Variants in PLEKHD1 observed in about 807,000 individuals in gnomAD.
The protein encoded by PLEKHD1 is pleckstrin homology and coiled-coil domain containing D1, also known as pleckstrin homology domain-containing family D member 1.
A neutral mutation model predicts 69.2 loss-of-function variants in PLEKHD1; 51 were observed. The ratio of observed to expected loss-of-function variants is 0.74; its 90% CI spans 0.59 to 0.93. The LOEUF (loss-of-function observed/expected upper bound fraction) is 0.93. Among genes scored for constraint, PLEKHD1 ranks in the 40% least tolerant of loss-of-function variants. The pLI is 0.00. For synonymous variants in PLEKHD1, 236 were observed against 244.7 expected (o/e 0.96, Z 0.33); for missense variants, 584 against 641.0 (o/e 0.91, Z 0.96).
chr14:69,496,703 T>A (rs990688726), intron 1 of PLEKHD1, among the ~76,000 whole-genome samples: 4 of 53,068 alleles, frequency 7.5e-5, no homozygotes, highest in Non-Finnish European at 1.4e-4. Context: ...GCCCAGCTAA[T>A]TTTTTTTTTT....
At chr14:69,500,001 G>C (rs1882986599) in intron 1 of PLEKHD1, 114 bp from the exon 2 acceptor site, 2 of 690,710 alleles carry the variant, frequency 2.9e-6, no homozygotes, top group Non-Finnish European at 5.0e-6. Flanking sequence ...TGGCTGAGCT[G>C]GTGTCCCTGT....
chr14:69,519,202 A>G (rs113632876), intron 6 of PLEKHD1, among the ~76,000 whole-genome samples: 380 of 152,240 alleles, frequency 2.5e-3, no homozygotes, highest in Non-Finnish European at 3.2e-3. Flanking sequence ...ATGCTTTTGT[A>G]TTTATAGCTG....
rs143251936 is a variant in PLEKHD1, at chr14:69,524,655, G to A, written c.744+333G>A. Among the ~76,000 whole-genome samples, 98 of 152,224 alleles carry A rather than the reference G, an allele frequency of 6.4e-4. 1 individual carries two copies. The South Asian group carries it at 7.5e-3, about 12-fold the overall frequency. On this transcript the variant is annotated intron_variant, in intron 8 of 12. Coordinates refer to ENST00000322564, the MANE Select transcript of PLEKHD1 (RefSeq NM_001161498.2). ...AAGGTGGGCAGTGGAGCTACCCACC[G>A]CTTCCTTCTTGTGTCTTGTTCGCTT...
At chr14:69,494,989 C>A (rs1404336007) in intron 1 of PLEKHD1, among the ~76,000 whole-genome samples, 1 of 152,132 alleles carries the variant, frequency 6.6e-6, no homozygotes, top group Non-Finnish European at 1.5e-5. Flanking sequence ...ATGCTAGCTC[C>A]CCTCCCTTGA....
chr14:69,472,826 C>T, the PLEKHD1 span, among the ~76,000 whole-genome samples: 1 of 152,138 alleles, frequency 6.6e-6, no homozygotes, highest in African/African-American at 2.4e-5. Flanking sequence ...TGGTCCTTGG[C>T]CTATTAGGAA....
chr14:69,497,454 G>A (rs2139501662), intron 1 of PLEKHD1, among the ~76,000 whole-genome samples: 1 of 152,372 alleles, frequency 6.6e-6, no homozygotes, highest in South Asian at 2.1e-4. Flanking sequence ...TGTGGCAGTG[G>A]GCCTAAGTGC....
intron 5 of PLEKHD1, 85 bp downstream of exon 5, chr14:69,501,910 G>A: frequency 8.1e-7 from 1 of 1,233,110 alleles, no homozygotes; most frequent in Admixed American, 2.3e-5. Flanking sequence ...GATGCAGCAG[G>A]GATGAGGGTC....
the PLEKHD1 span, among the ~76,000 whole-genome samples, chr14:69,478,309 C>T: frequency 9.2e-5 from 14 of 152,340 alleles, no homozygotes; most frequent in East Asian, 1.7e-3. Flanking sequence ...TCCTCCTAGG[C>T]CTCTGGGCTT....
At chr14:69,500,279 G>C in intron 2 of PLEKHD1, 71 bp downstream of exon 2, 2 of 1,278,860 alleles carry the variant, frequency 1.6e-6, no homozygotes, top group Admixed American at 2.1e-5. Flanking sequence ...CATCTTGTGA[G>C]GGGAGGGGAC....
intron 4 of PLEKHD1, 29 bp from the exon 5 acceptor site, chr14:69,501,702 TCTC>T (rs1280799796): frequency 6.8e-6 from 10 of 1,473,920 alleles, no homozygotes; most frequent in Non-Finnish European, 8.3e-6. Flanking sequence ...CTTCCTCTTC[TCTC>T]CTCTGTCCCA....
chr14:69,502,106 C>T (rs928364161), intron 5 of PLEKHD1: 3 of 275,838 alleles, frequency 1.1e-5, no homozygotes, highest in Non-Finnish European at 2.1e-5. Context: ...GCAGCTCAGC[C>T]TCTCTAAGCC....
intron 1 of PLEKHD1, among the ~76,000 whole-genome samples, chr14:69,495,792 C>A (rs1477699480): frequency 1.3e-5 from 2 of 152,244 alleles, no homozygotes; most frequent in Non-Finnish European, 2.9e-5. Flanking sequence ...TAGGCTGTCC[C>A]TGCCCACCCT....
the PLEKHD1 span, among the ~76,000 whole-genome samples, chr14:69,474,654 C>T: frequency 6.6e-6 from 1 of 152,312 alleles, no homozygotes; most frequent in South Asian, 2.1e-4. Context: ...TATAAACTGC[C>T]AGATTCTCCT....
At chr14:69,509,209 C>T (rs1329069330) in intron 6 of PLEKHD1, among the ~76,000 whole-genome samples, 1 of 152,032 alleles carries the variant, frequency 6.6e-6, no homozygotes, top group Non-Finnish European at 1.5e-5. Flanking sequence ...GGTCTTTTGC[C>T]CATTTTTTTA....
At chr14:69,502,578 T>A (rs568126989) in intron 5 of PLEKHD1, 3 of 521,814 alleles carry the variant, frequency 5.7e-6, no homozygotes, top group East Asian at 6.8e-5. Context: ...ATGCAGAGAC[T>A]GCTTTGAACT....
chr14:69,511,171 T>C (rs941304783), intron 6 of PLEKHD1, among the ~76,000 whole-genome samples: 1 of 152,202 alleles, frequency 6.6e-6, no homozygotes. Flanking sequence ...TGTTTGTTTG[T>C]TTTGAAACAG....
chr14:69,483,159 G>A (rs908236668), upstream of PLEKHD1, among the ~76,000 whole-genome samples: 3 of 152,202 alleles, frequency 2.0e-5, no homozygotes, highest in Non-Finnish European at 2.9e-5. Flanking sequence ...TGAGCCATGA[G>A]AGAAGTGCAA....
intron 6 of PLEKHD1, 90 bp downstream of exon 6, chr14:69,502,969 A>G: frequency 1.4e-6 from 2 of 1,473,988 alleles, no homozygotes; most frequent in Admixed American, 2.0e-5. Context: ...CTGGGTGCAC[A>G]GAGGACTTGC....
At chr14:69,482,236 C>T (rs1341261364), upstream of PLEKHD1, among the ~76,000 whole-genome samples, 1 of 152,180 alleles carries the variant, frequency 6.6e-6, no homozygotes, top group Admixed American at 6.6e-5. Context: ...CAGCCTTCCC[C>T]AGGATTATCT....
Sources: gnomAD v4.1 joint callset for allele counts (sites outside exome capture counted in the v4.1 genomes callset) on GRCh38, gnomAD v4.1.1 for gene constraint, MANE v1.5 for transcripts, NCBI Gene and HGNC (gene_info 2026-07-23, HGNC 2026-07-21) for gene names.